Variants in PRKN observed in about 807,000 individuals in gnomAD.
The protein encoded by PRKN is E3 ubiquitin-protein ligase parkin.
Under a neutral mutation model 59.5 loss-of-function variants are expected in PRKN, and 56 were observed. The observed-to-expected ratio is 0.94, with a 90% CI of 0.76 to 1.18. The LOEUF (loss-of-function observed/expected upper bound fraction) is 1.18, where lower values mean the gene tolerates loss of function less well. Ranked by LOEUF, PRKN falls within the 50% of genes most tolerant of loss-of-function variation. PRKN has a pLI of 0.00. For synonymous variants in PRKN, 250 were observed against 222.1 expected, an observed-to-expected ratio of 1.13 and a Z score of -1.12; for missense variants, 657 against 596.4, an observed-to-expected ratio of 1.10 and a Z score of -1.06.
intron 4 of PRKN, among the ~76,000 whole-genome samples, chr6:162,060,983 T>C (rs1379592231): frequency 2.6e-5 from 4 of 152,186 alleles, no homozygotes; most frequent in Non-Finnish European, 5.9e-5. Context: ...AAGGACATAA[T>C]ACAACAACAG....
intron 2 of PRKN, among the ~76,000 whole-genome samples, chr6:162,419,598 T>A (rs1034852562): frequency 1.3e-5 from 2 of 152,162 alleles, no homozygotes; most frequent in African/African-American, 4.8e-5. Context: ...GCCCTGGAAC[T>A]CCACAGTGCC....
At chr6:161,799,570 T>C (rs887533040) in intron 6 of PRKN, among the ~76,000 whole-genome samples, 9 of 152,180 alleles carry the variant, frequency 5.9e-5, no homozygotes, top group Non-Finnish European at 1.5e-5. Context: ...AGAGGGCAAA[T>C]AGGACAAAGA....
intron 2 of PRKN, among the ~76,000 whole-genome samples, chr6:162,341,754 T>C (rs1784189030): frequency 6.6e-6 from 1 of 151,642 alleles, no homozygotes; most frequent in African/African-American, 2.4e-5. Context: ...CTGGGGCCTG[T>C]CAGGGGGTGG....
chr6:161,491,152 C>T (rs563543830), intron 9 of PRKN, among the ~76,000 whole-genome samples: 4 of 152,260 alleles, frequency 2.6e-5, no homozygotes, highest in South Asian at 2.1e-4. Flanking sequence ...TCTTTAGAGT[C>T]GAGCACTTTC....
intron 3 of PRKN, among the ~76,000 whole-genome samples, chr6:162,228,558 T>C (rs1372641551): frequency 6.6e-6 from 1 of 152,210 alleles, no homozygotes; most frequent in Admixed American, 6.5e-5. Flanking sequence ...AAAAAGTTCT[T>C]AGTCCATTGA....
At chr6:161,698,513 A>C (rs2128178117) in intron 7 of PRKN, among the ~76,000 whole-genome samples, 1 of 152,236 alleles carries the variant, frequency 6.6e-6, no homozygotes, top group Middle Eastern at 3.4e-3. Flanking sequence ...GAATATGTAA[A>C]CTGTTTTTTT....
chr6:162,003,658 A>T (rs905749701), intron 5 of PRKN, among the ~76,000 whole-genome samples: 3 of 152,176 alleles, frequency 2.0e-5, no homozygotes, highest in Non-Finnish European at 4.4e-5. Flanking sequence ...AGTTTACTAT[A>T]TCACTGTATA....
At chr6:162,061,576 A>G (rs1778106767) in intron 4 of PRKN, among the ~76,000 whole-genome samples, 1 of 152,154 alleles carries the variant, frequency 6.6e-6, no homozygotes, top group African/African-American at 2.4e-5. Flanking sequence ...TCTGTCATAT[A>G]GTAGACACTG....
At chr6:162,096,129 C>T (rs1583025292) in intron 4 of PRKN, among the ~76,000 whole-genome samples, 1 of 152,166 alleles carries the variant, frequency 6.6e-6, no homozygotes, top group Non-Finnish European at 1.5e-5. Flanking sequence ...GATATCTACA[C>T]ATGTGTAGAT....
chr6:162,317,783 T>C (rs7741561), intron 2 of PRKN, among the ~76,000 whole-genome samples: 3,158 of 152,088 alleles, frequency 0.021, 104 homozygotes, highest in African/African-American at 0.072. Flanking sequence ...TATTTCCCTG[T>C]CTCAAGTAAA....
chr6:162,234,016 C>G (rs541869372), intron 3 of PRKN, among the ~76,000 whole-genome samples: 1 of 152,078 alleles, frequency 6.6e-6, no homozygotes, highest in Non-Finnish European at 1.5e-5. Flanking sequence ...AAGACATATA[C>G]TGAAGAGTTG....
At chr6:162,187,251 A>G (rs1018197584) in intron 4 of PRKN, among the ~76,000 whole-genome samples, 1 of 152,194 alleles carries the variant, frequency 6.6e-6, no homozygotes, top group Non-Finnish European at 1.5e-5. Context: ...GAGGAACATC[A>G]GTATATGCTT....
chr6:162,044,685 C>T (rs767191632), intron 5 of PRKN, among the ~76,000 whole-genome samples: 7 of 152,122 alleles, frequency 4.6e-5, no homozygotes, highest in Non-Finnish European at 7.4e-5. Context: ...AATGCATGAA[C>T]CTTAATTTTC....
intron 7 of PRKN, among the ~76,000 whole-genome samples, chr6:161,671,774 A>G (rs1562597586): frequency 6.6e-6 from 1 of 152,214 alleles, no homozygotes; most frequent in Non-Finnish European, 1.5e-5. Context: ...ACAAAATGTA[A>G]TGTTGACCAG....
intron 5 of PRKN, among the ~76,000 whole-genome samples, chr6:162,039,532 C>T (rs1582939054): frequency 6.6e-6 from 1 of 152,126 alleles, no homozygotes; most frequent in Non-Finnish European, 1.5e-5. Context: ...TTCCCCTTTC[C>T]CCATGGGACC....
At chr6:162,440,028 G>A (rs576611726) in intron 2 of PRKN, among the ~76,000 whole-genome samples, 2 of 152,224 alleles carry the variant, frequency 1.3e-5, no homozygotes, top group East Asian at 1.9e-4. Flanking sequence ...GCTTTTTAGT[G>A]TAGTTGCTGG....
chr6:161,560,695 A>G lies in PRKN; in HGVS notation c.933+8660T>C, dbSNP rs1780426278. ...AAACTGTACCACCTCTGAAATCCCA[A>G]TTCCAAATATGTCTCTTTCTGATGA... On this transcript the variant is annotated intron_variant, in intron 8 of 11. Transcript: ENST00000366898. The surrounding 1 kb of genome is among the most constrained non-coding windows in gnomAD (Gnocchi z 4.9). Among the ~76,000 whole-genome samples, 2 of 152,176 alleles carry G rather than the reference A, an allele frequency of 1.3e-5. No homozygotes were observed. The highest frequency in any genetic ancestry group is 2.9e-5 in the Non-Finnish European group (2 of 68,024).
intron 9 of PRKN, among the ~76,000 whole-genome samples, chr6:161,528,916 C>T (rs974143819): frequency 1.3e-5 from 2 of 152,198 alleles, no homozygotes; most frequent in Non-Finnish European, 2.9e-5. Flanking sequence ...TCTGGGGCCT[C>T]ATACCGTGTA....
chr6:161,991,717 C>A lies in PRKN; in HGVS notation c.619-18300G>T, dbSNP rs1200782266. On this transcript the variant is annotated intron_variant, in intron 5 of 11. Coordinates refer to ENST00000366898, the MANE Select transcript of PRKN (RefSeq NM_004562.3). ...AATTAGCCTGGAGTGGTGGTGGGTACCTGTGATCCCAGCTACTCAGGAGGC... is the reference window on the plus strand; with the variant it reads ...AATTAGCCTGGAGTGGTGGTGGGTAACTGTGATCCCAGCTACTCAGGAGGC... Among the ~76,000 whole-genome samples, 2 of 151,954 alleles carry A rather than the reference C, an allele frequency of 1.3e-5. 1 individual carries two copies. Among genetic ancestry groups the A allele is most frequent in the African/African-American group, 4.8e-5 (2 of 41,364 alleles).
Sources: gnomAD v4.1 joint callset for allele counts (sites outside exome capture counted in the v4.1 genomes callset) on GRCh38, gnomAD v4.1.1 for gene constraint, Gnocchi (gnomAD v3.1) non-coding constraint, MANE v1.5 for transcripts, NCBI Gene and HGNC (gene_info 2026-07-23, HGNC 2026-07-21) for gene names.